BMPER: variants seen among roughly 807,000 people sequenced by gnomAD.
The protein encoded by BMPER is BMP-binding endothelial regulator protein.
BMPER carries 45 observed loss-of-function variants against 87.3 expected under a neutral mutation model. The observed-to-expected ratio is 0.52, with a 90% confidence interval of 0.41 to 0.66. BMPER has a LOEUF of 0.66. Ranked by LOEUF, BMPER falls within the 30% of genes least tolerant of loss-of-function variation. BMPER has a pLI of 0.00. For synonymous variants in BMPER, 326 were observed against 316.2 expected (o/e 1.03, Z -0.33); for missense variants, 784 against 867.5 (o/e 0.90, Z 1.21).
In BMPER at chr7:34,153,275, C is replaced by T; in HGVS notation, c.*2C>T. 1 of 1,613,786 alleles carries T rather than the reference C, an allele frequency of 6.2e-7. No homozygotes were observed. Among genetic ancestry groups the T allele is most frequent in the Non-Finnish European group, 8.5e-7 (1 of 1,179,894 alleles). The stretch of plus-strand genomic sequence containing the variant: ...CCAGTCCTTTGTCCCCAGCGGTGAC[C>T]TTTGTTTCGATCCTTAAGACTCTGA... On this transcript the variant is annotated 3_prime_UTR_variant, in exon 15 of 15. Coordinates refer to ENST00000649409, the MANE Select transcript of BMPER (RefSeq NM_001365308.1).
intron 13 of BMPER, among the ~76,000 whole-genome samples, chr7:34,094,322 G>C (rs1000598388): frequency 1.3e-5 from 2 of 152,188 alleles, no homozygotes; most frequent in African/African-American, 2.4e-5. Flanking sequence ...GAGAAATAAG[G>C]CCATCCTGAC....
At chr7:33,956,460 C>T (rs1270688651) in intron 3 of BMPER, among the ~76,000 whole-genome samples, 2 of 152,066 alleles carry the variant, frequency 1.3e-5, no homozygotes, top group African/African-American at 4.8e-5. Context: ...ATGTAAACAT[C>T]GAACCCTCGG....
At chr7:33,964,939 C>T (rs184397552) in intron 3 of BMPER, among the ~76,000 whole-genome samples, 40 of 152,248 alleles carry the variant, frequency 2.6e-4, no homozygotes, top group African/African-American at 8.7e-4. Context: ...CTCCATCTCT[C>T]GGAACAAGTT....
intron 3 of BMPER, among the ~76,000 whole-genome samples, chr7:33,964,184 T>G (rs1444655380): frequency 6.6e-6 from 1 of 152,182 alleles, no homozygotes; most frequent in African/African-American, 2.4e-5. Flanking sequence ...GATGAGAATG[T>G]CCTTTCTTTA....
At chr7:34,134,198 A>C (rs1354024960) in intron 13 of BMPER, among the ~76,000 whole-genome samples, 1 of 152,174 alleles carries the variant, frequency 6.6e-6, no homozygotes, top group Non-Finnish European at 1.5e-5. Flanking sequence ...ATTGTTTTAC[A>C]GTAAGCATGA....
chr7:33,913,493 T>C (rs1356115491), intron 2 of BMPER, among the ~76,000 whole-genome samples: 2 of 152,082 alleles, frequency 1.3e-5, no homozygotes, highest in Non-Finnish European at 1.5e-5. Context: ...CGATGTTGTG[T>C]GGTCAGGTGA....
intron 6 of BMPER, among the ~76,000 whole-genome samples, chr7:34,009,069 C>A (rs1302185175): frequency 4.6e-5 from 7 of 151,858 alleles, no homozygotes; most frequent in African/African-American, 4.8e-5. Flanking sequence ...AATGATCCTC[C>A]TGCCTTGACC....
chr7:33,964,946 A>C (rs1221311101), intron 3 of BMPER, among the ~76,000 whole-genome samples: 1 of 152,182 alleles, frequency 6.6e-6, no homozygotes. Flanking sequence ...TCTCGGAACA[A>C]GTTATTTATT....
intron 13 of BMPER, among the ~76,000 whole-genome samples, chr7:34,111,555 A>T (rs994951175): frequency 3.3e-5 from 5 of 152,132 alleles, no homozygotes; most frequent in African/African-American, 1.2e-4. Flanking sequence ...TTTGGTTTGA[A>T]TCTCAGCTGG....
chr7:34,111,346 T>A (rs1789957526), intron 13 of BMPER, among the ~76,000 whole-genome samples: 1 of 152,220 alleles, frequency 6.6e-6, no homozygotes. Context: ...ATTTAATTGG[T>A]TCCCCAGTTA....
chr7:33,944,867 C>G (rs1021610783), intron 3 of BMPER, among the ~76,000 whole-genome samples: 4 of 152,076 alleles, frequency 2.6e-5, no homozygotes, highest in African/African-American at 9.7e-5. Context: ...CTTTATGGGT[C>G]TTCATGGGTC....
Position 34,154,652 on chromosome 7 carries a change from G to A in BMPER, c.*1379G>A, listed in dbSNP as rs369058891. Reference sequence around the variant, plus strand: ...TATTAATAGACAAAAGCAAACCCACGTTTTTGACAAGCCAGCATATTGCCA... The same window carrying A: ...TATTAATAGACAAAAGCAAACCCACATTTTTGACAAGCCAGCATATTGCCA... On this transcript the variant is annotated 3_prime_UTR_variant, in exon 15 of 15. Coordinates refer to ENST00000649409, the MANE Select transcript of BMPER (RefSeq NM_001365308.1). 2.6e-5 allele frequency: 4 copies of A among 151,370 alleles called. No homozygotes were observed. The highest frequency in any genetic ancestry group is 4.4e-5 in the Non-Finnish European group (3 of 67,922). 9.4% of individuals were successfully genotyped at this position (151,370 alleles called of 1,614,324 possible).
intron 10 of BMPER, 121 bp downstream of exon 10, chr7:34,058,284 A>G: frequency 1.1e-6 from 1 of 941,018 alleles, no homozygotes; most frequent in African/African-American, 1.6e-5. Flanking sequence ...TACATTCCTG[A>G]CTAGTCAAAT....
chr7:34,008,827 T>C (rs1786805736), intron 6 of BMPER, among the ~76,000 whole-genome samples: 1 of 151,862 alleles, frequency 6.6e-6, no homozygotes, highest in African/African-American at 2.4e-5. Flanking sequence ...CTTTTTTTTG[T>C]TTACTTTTTT....
rs35451161 is a variant in BMPER, at chr7:33,928,639, CAAA to C, written c.220-8631_220-8629del. Among the ~76,000 whole-genome samples, 23 of 49,094 alleles carry C rather than the reference CAAA, an allele frequency of 4.7e-4. 1 individual carries two copies. The highest frequency in any genetic ancestry group is 3.2e-3 in the South Asian group (3 of 948). 32.2% of individuals were successfully genotyped at this position (49,094 alleles called of 152,430 possible). ...TGTTCCGTGAGTTTCTTGAAAAAGC[CAAA>C]AAAAAAAAAAAAAAAAAAGCCAGAC... On this transcript the variant is annotated intron_variant, in intron 2 of 14. Transcript: ENST00000649409.
chr7:34,112,884 C>T, intron 13 of BMPER, among the ~76,000 whole-genome samples: 1 of 151,904 alleles, frequency 6.6e-6, no homozygotes, highest in East Asian at 1.9e-4. Context: ...TAATGTTGAG[C>T]ATTTAAGGTG....
chr7:33,966,353 A>C, intron 3 of BMPER, 126 bp from the exon 4 acceptor site: 1 of 793,816 alleles, frequency 1.3e-6, no homozygotes, highest in Non-Finnish European at 2.2e-6. Flanking sequence ...AAAATAGCCA[A>C]AGAGCATGGT....
At chr7:33,992,218 G>A (rs1205409295) in intron 6 of BMPER, among the ~76,000 whole-genome samples, 4 of 138,076 alleles carry the variant, frequency 2.9e-5, no homozygotes, top group African/African-American at 1.1e-4. Context: ...ACAGTGGGGT[G>A]TTAAAGTCTC....
At chr7:34,061,016 T>G (rs913951758) in intron 10 of BMPER, among the ~76,000 whole-genome samples, 1 of 152,208 alleles carries the variant, frequency 6.6e-6, no homozygotes, top group African/African-American at 2.4e-5. Context: ...TGACCTCAAT[T>G]TCTTCACCTA....
Sources: allele counts gnomAD v4.1 joint callset (sites outside exome capture counted in the v4.1 genomes callset), GRCh38; gene constraint gnomAD v4.1.1; transcripts MANE v1.5; gene names NCBI Gene and HGNC (gene_info 2026-07-23, HGNC 2026-07-21).